ANO3: variants seen among roughly 807,000 people sequenced by gnomAD.
ANO3 encodes anoctamin 3.
In ANO3, 99 loss-of-function variants were observed where a neutral mutation model predicts 144.8. The observed-to-expected ratio is 0.68, with a 90% CI of 0.58 to 0.81. The LOEUF (loss-of-function observed/expected upper bound fraction) is 0.81, where lower values mean the gene tolerates loss of function less well. Ranked by LOEUF, ANO3 falls within the 30% of genes least tolerant of loss-of-function variation. The pLI, the probability that ANO3 is intolerant of heterozygous loss-of-function variation, is 0.00. For synonymous variants in ANO3, 414 were observed against 392.6 expected, an observed-to-expected ratio of 1.05 and a Z score of -0.64; for missense variants, 905 against 1,202.2, an observed-to-expected ratio of 0.75 and a Z score of 3.66.
rs138560148 is a variant in ANO3 at position 26,217,651 on chromosome 11, T to C, written c.154+28321T>C. Among the ~76,000 whole-genome samples, 521 of 152,186 alleles carry C rather than the reference T, an allele frequency of 3.4e-3. 3 individuals carry two copies. The highest frequency in any genetic ancestry group is 0.012 in the African/African-American group (496 of 41,550). ...AAGTCAAATTGGTTAATATTTGTTA[T>C]GTGCTTTGGAAAAAGTTGGCAAATA... On this transcript the variant is annotated intron_variant, in intron 1 of 27. Transcript: ENST00000672621.
intron 1 of ANO3, among the ~76,000 whole-genome samples, chr11:26,286,346 T>C (rs1853806685): frequency 6.6e-6 from 1 of 152,318 alleles, no homozygotes; most frequent in Non-Finnish European, 1.5e-5. Flanking sequence ...CAATATTTAG[T>C]TCAGGGGTCT....
chr11:26,583,986 C>T (rs1590587056), intron 14 of ANO3, among the ~76,000 whole-genome samples: 1 of 152,160 alleles, frequency 6.6e-6, no homozygotes, highest in East Asian at 1.9e-4. Flanking sequence ...TGAACTGACC[C>T]CTTTCCCTGA....
chr11:26,660,215 C>A, intron 26 of ANO3, 47 bp from the exon 27 acceptor site: 1 of 1,539,338 alleles, frequency 6.5e-7, no homozygotes, highest in Non-Finnish European at 9.0e-7. Context: ...TTATAATTAG[C>A]ATTTCAGAAT....
chr11:26,443,988 T>C (rs1437370345), intron 3 of ANO3, 152 bp downstream of exon 3: 4 of 472,770 alleles, frequency 8.5e-6, no homozygotes. Flanking sequence ...GGTTAAGAAA[T>C]TAAGAAATGT....
intron 1 of ANO3, among the ~76,000 whole-genome samples, chr11:26,205,551 G>C (rs1435675528): frequency 6.6e-6 from 1 of 152,116 alleles, no homozygotes; most frequent in Non-Finnish European, 1.5e-5. Flanking sequence ...TCTGAACAAT[G>C]GATATTTTGA....
intron 1 of ANO3, among the ~76,000 whole-genome samples, chr11:26,265,805 T>C (rs1051527172): frequency 1.3e-5 from 2 of 152,186 alleles, no homozygotes; most frequent in Non-Finnish European, 2.9e-5. Flanking sequence ...CAGAAACTTA[T>C]GTATGGTGGC....
At chr11:26,283,357 T>TATACACACAC (rs1853726987) in intron 1 of ANO3, among the ~76,000 whole-genome samples, 1 of 113,768 alleles carries the variant, frequency 8.8e-6, no homozygotes, top group African/African-American at 3.3e-5. Flanking sequence ...TATATATATA[T>TATACACACAC]ATATATATAG....
chr11:26,300,936 C>T (rs1420986803), intron 1 of ANO3, among the ~76,000 whole-genome samples: 1 of 133,176 alleles, frequency 7.5e-6, no homozygotes, highest in Non-Finnish European at 1.5e-5. Flanking sequence ...TCACTGCCAC[C>T]TCTGCCTCCT....
intron 4 of ANO3, among the ~76,000 whole-genome samples, chr11:26,487,911 T>C (rs1348608101): frequency 6.6e-6 from 1 of 152,204 alleles, no homozygotes; most frequent in African/African-American, 2.4e-5. Flanking sequence ...CTCACGCCTG[T>C]AATCCCAGTA....
chr11:26,283,321 AATATATATAT>A (rs58419788), intron 1 of ANO3, among the ~76,000 whole-genome samples: 6,184 of 48,576 alleles, frequency 0.13, 314 homozygotes, highest in East Asian at 0.25. Context: ...CAAATAAATA[AATATATATAT>A]ATATATATAT....
intron 1 of ANO3, among the ~76,000 whole-genome samples, chr11:26,333,375 A>G (rs1481813172): frequency 1.3e-5 from 2 of 150,294 alleles, no homozygotes; most frequent in African/African-American, 2.5e-5. Context: ...TCTGCATCCC[A>G]GGTTCATGCC....
At chr11:26,326,927 G>A (rs867022672) in intron 1 of ANO3, among the ~76,000 whole-genome samples, 3 of 152,156 alleles carry the variant, frequency 2.0e-5, no homozygotes, top group African/African-American at 4.8e-5. Context: ...GTTGGGCAGA[G>A]CCTGGCTAAT....
At chr11:26,298,071 G>A in intron 1 of ANO3, among the ~76,000 whole-genome samples, 1 of 152,164 alleles carries the variant, frequency 6.6e-6, no homozygotes, top group East Asian at 1.9e-4. Flanking sequence ...TCTCTTCTCT[G>A]CCTGGATTCT....
At chr11:26,543,130 G>A (rs1354056250) in intron 11 of ANO3, among the ~76,000 whole-genome samples, 2 of 152,052 alleles carry the variant, frequency 1.3e-5, no homozygotes, top group Non-Finnish European at 2.9e-5. Context: ...GAAAGCATTC[G>A]GCAGAACCTG....
intron 1 of ANO3, among the ~76,000 whole-genome samples, chr11:26,423,276 G>A (rs530795973): frequency 1.8e-3 from 268 of 148,338 alleles, no homozygotes; most frequent in Non-Finnish European, 2.7e-3. Context: ...TTCCTTGTGG[G>A]TGGTTTTATA....
intron 17 of ANO3, among the ~76,000 whole-genome samples, chr11:26,607,813 T>G (rs2132953476): frequency 6.6e-6 from 1 of 152,316 alleles, no homozygotes; most frequent in South Asian, 2.1e-4. Flanking sequence ...TCTAGATTGG[T>G]TATTCTACAT....
Position 26,627,074 on chromosome 11 carries a change from G to A in ANO3, c.1873+2576G>A, listed in dbSNP as rs907219365. 6.6e-5 allele frequency among the ~76,000 whole-genome samples: 10 copies of A among 151,898 alleles called. 1 individual carries two copies. Among genetic ancestry groups the A allele is most frequent in the African/African-American group, 2.4e-4 (10 of 41,348 alleles). ...TAACTTACTACATTATCATAGTTGT[G>A]CAGTAATAATTATTTTATTCTCTCG... On this transcript the variant is annotated intron_variant, in intron 18 of 26. Coordinates refer to ENST00000256737, the MANE Select transcript of ANO3 (RefSeq NM_031418.4).
chr11:26,639,170 C>A lies in ANO3; in HGVS notation c.2070C>A (p.Asp690Glu). 6.2e-7 allele frequency: 1 copy of A among 1,613,130 alleles called. No homozygotes were observed. Residue 690 changes from aspartate (D) to glutamate (E), a missense_variant, in exon 21 of 27, where the codon GAC becomes GAA. By Grantham distance (45) the Asp-to-Glu change is conservative. Around this residue, in one of 4 missense-constraint regions of ANO3, gnomAD observed 597 missense variants for 865.1 expected, o/e 0.69. Transcript: ENST00000256737. The part of the protein sequence containing the change: ...EECHPSGCLI[D>E]LCLQMGVIMF... The stretch of plus-strand genomic sequence containing the variant: ...GTCATCCTAGTGGCTGTTTGATAGA[C>A]CTCTGCCTCCAGATGGGTGTCATCA...
At chr11:26,239,889 A>G (rs1852622837) in intron 1 of ANO3, among the ~76,000 whole-genome samples, 1 of 152,212 alleles carries the variant, frequency 6.6e-6, no homozygotes, top group African/African-American at 2.4e-5. Flanking sequence ...GACAGATTAC[A>G]TGGGAATTGT....
Sources: gnomAD v4.1 joint callset for allele counts (sites outside exome capture counted in the v4.1 genomes callset) on GRCh38, gnomAD v4.1.1 for gene constraint, gnomAD v4.1.1 regional missense constraint, MANE v1.5 for transcripts, NCBI Gene and HGNC (gene_info 2026-07-23, HGNC 2026-07-21) for gene names.